CNGB1: variants seen among roughly 807,000 people sequenced by gnomAD.
The protein encoded by CNGB1 is cyclic nucleotide-gated channel beta-1.
CNGB1 carries 126 observed loss-of-function variants against 151.7 expected under a neutral mutation model. The ratio of observed to expected loss-of-function variants is 0.83; its 90% confidence interval spans 0.72 to 0.96. The LOEUF is 0.96. Ranked by LOEUF, CNGB1 falls within the 40% of genes least tolerant of loss-of-function variation. The pLI is 0.00. For synonymous variants in CNGB1, 623 were observed against 635.1 expected (o/e 0.98, Z 0.29); for missense variants, 1,698 against 1,627.0 (o/e 1.04, Z -0.75).
intron 12 of CNGB1, chr16:57,955,499 TC>T: frequency 1.3e-6 from 1 of 766,762 alleles, no homozygotes. Flanking sequence ...TCTCAGAGTC[TC>T]CCCATGACAT....
rs79889567 is a variant in CNGB1, at chr16:57,901,566, C to T, written c.2854G>A (p.Val952Met). 0.012 allele frequency: 19,231 copies of T among 1,614,112 alleles called. 175 individuals carry two copies. Among genetic ancestry groups the T allele is most frequent in the African/African-American group, 0.049 (3,645 of 75,024 alleles). The change falls in exon 28 of 33, where the codon GTG becomes ATG. Residue 952 changes from valine (V) to methionine (M), a missense_variant. Coordinates refer to ENST00000251102, the MANE Select transcript of CNGB1 (RefSeq NM_001297.5). ...DKMRLDLAID[V>M]NYNIVSKVAL... ...ACTTTGCTAACGATGTTGTAGTTCACGTCGATGGCGAGGTCCAGCCGCATC... is the reference window on the plus strand; with the variant it reads ...ACTTTGCTAACGATGTTGTAGTTCATGTCGATGGCGAGGTCCAGCCGCATC...
In CNGB1 at chr16:57,957,307, TA is replaced by T. The variant is rs775219797; in HGVS notation, c.874+33del. 259 of 1,605,904 alleles carry T rather than the reference TA, an allele frequency of 1.6e-4. No homozygotes were observed. The African/African-American group carries it at 3.2e-3, about 20-fold the overall frequency. On this transcript the variant is annotated intron_variant, in intron 12 of 32. Coordinates refer to ENST00000251102, the MANE Select transcript of CNGB1 (RefSeq NM_001297.5). ...AAGGACACCAAGCAACCCTTCCTAATATGTACATGGGGACTCAGTAATGTGT... is the reference window on the plus strand; with the variant it reads ...AAGGACACCAAGCAACCCTTCCTAATTGTACATGGGGACTCAGTAATGTGT...
intron 12 of CNGB1, among the ~76,000 whole-genome samples, chr16:57,954,396 G>A (rs547446996): frequency 1.4e-3 from 210 of 152,320 alleles, no homozygotes; most frequent in Middle Eastern, 6.8e-3. Context: ...TGACAGCCAA[G>A]TCCACCCAGT....
chr16:57,896,608 G>A (rs536851217), intron 31 of CNGB1, among the ~76,000 whole-genome samples: 2 of 152,172 alleles, frequency 1.3e-5, no homozygotes, highest in South Asian at 2.1e-4. Context: ...AGCTACTCAG[G>A]AGGCTGAGGC....
Position 57,883,994 on chromosome 16 carries a change from G to T in CNGB1, c.*170C>A. The T allele has an allele frequency of 1.1e-6, 1 of 885,094 alleles. No individual in the cohort carries two copies. The allele number at this position is 885,094 out of a possible 1,614,324, so 54.8% of individuals were successfully genotyped here. A position where few individuals can be genotyped will look rare whatever the true frequency, so the allele number is the denominator to read the frequency against. ...GCCCAGCCCCGCGAGGAGCTGAGTC[G>T]GGGCTGGCGTGCTGGCGGGACGGTC... On this transcript the variant is annotated 3_prime_UTR_variant, in exon 33 of 33. Coordinates refer to ENST00000251102, the MANE Select transcript of CNGB1 (RefSeq NM_001297.5).
chr16:57,926,308 A>G (rs1193855267), intron 17 of CNGB1, among the ~76,000 whole-genome samples: 1 of 152,170 alleles, frequency 6.6e-6, no homozygotes, highest in Non-Finnish European at 1.5e-5. Context: ...GGGCAGGAGG[A>G]CACTGGGGCA....
intron 25 of CNGB1, among the ~76,000 whole-genome samples, chr16:57,909,227 T>C (rs1960640784): frequency 1.3e-5 from 2 of 152,094 alleles, no homozygotes; most frequent in African/African-American, 4.8e-5. Flanking sequence ...GAGATCATGC[T>C]GCTGTACTCC....
chr16:57,913,640 A>T (rs9972793), intron 23 of CNGB1, among the ~76,000 whole-genome samples: 22,195 of 151,772 alleles, frequency 0.15, 4,191 homozygotes, highest in African/African-American at 0.44. Flanking sequence ...ATCAACACTC[A>T]TGGGTAATTT....
In CNGB1 at chr16:57,962,875, G is replaced by C. The variant is rs772200098; in HGVS notation, c.382-3C>G. ...CCAGTGCTGCCATGCCCCAGGATCT[G>C]CCAGGGACAGACAGACAGACATGGG... On this transcript the variant is annotated splice_polypyrimidine_tract_variant and splice_region_variant and intron_variant, in intron 5 of 32. Transcript: ENST00000251102. 1.2e-6 allele frequency: 2 copies of C among 1,612,550 alleles called. No individual in the cohort carries two copies. Among genetic ancestry groups the C allele is most frequent in the South Asian group, 2.2e-5 (2 of 91,082 alleles).
intron 31 of CNGB1, among the ~76,000 whole-genome samples, chr16:57,889,684 T>A (rs1366105624): frequency 6.6e-6 from 1 of 152,210 alleles, no homozygotes; most frequent in Non-Finnish European, 1.5e-5. Context: ...AAGTAGGTCT[T>A]ATTATTCATC....
chr16:57,962,999 T>A lies in CNGB1; in HGVS notation c.356A>T (p.His119Leu). 1.2e-6 allele frequency: 2 copies of A among 1,613,562 alleles called. No individual in the cohort carries two copies. The highest frequency in any genetic ancestry group is 1.7e-6 in the Non-Finnish European group (2 of 1,180,018). ...CTGAGCCGGGTCCTCCGTGATGCTG[T>A]GAACAGGCTGCGGGATCACCTTCTC... The part of the protein sequence containing the change: ...GVEKVIPQPV[H>L]SITEDPAQIL... Residue 119 changes from histidine (H) to leucine (L), a missense_variant, in exon 5 of 33, where the codon CAC becomes CTC. By Grantham distance (99) the His-to-Leu change is moderately conservative. Transcript: ENST00000251102.
chr16:57,950,256 A>T, intron 13 of CNGB1, 125 bp downstream of exon 13: 5 of 1,157,638 alleles, frequency 4.3e-6, no homozygotes, highest in Non-Finnish European at 6.4e-6. Flanking sequence ...GGATGGCTGT[A>T]TGAAGGCAGG....
chr16:57,912,784 CATGT>C, intron 24 of CNGB1, 142 bp downstream of exon 24: 1 of 768,848 alleles, frequency 1.3e-6, no homozygotes. Context: ...GTTGTGTGTG[CATGT>C]ATGTGTGTAT....
At chr16:57,911,087 G>A (rs1324054817) in intron 25 of CNGB1, among the ~76,000 whole-genome samples, 1 of 152,120 alleles carries the variant, frequency 6.6e-6, no homozygotes, top group Non-Finnish European at 1.5e-5. Flanking sequence ...GCTGTGCTGG[G>A]GAGTATTCTC....
intron 12 of CNGB1, among the ~76,000 whole-genome samples, chr16:57,955,864 C>T (rs1228691005): frequency 6.6e-6 from 1 of 152,194 alleles, no homozygotes. Flanking sequence ...GAGGAGCCAA[C>T]CCTGCTAAAG....
At position 57,904,091 on chromosome 16, in the gene CNGB1, T is replaced by C. The variant is rs1674361608; in HGVS notation, c.2635-110A>G. On this transcript the variant is annotated intron_variant, in intron 26 of 32. Coordinates refer to ENST00000251102, the MANE Select transcript of CNGB1 (RefSeq NM_001297.5). ...CACACAGACCACGGGCATGTGCTCCTGGCAGGGCGTTGGGAGGGGGGTAGG... is the reference window on the plus strand; with the variant it reads ...CACACAGACCACGGGCATGTGCTCCCGGCAGGGCGTTGGGAGGGGGGTAGG... 3.2e-6 allele frequency: 3 copies of C among 951,978 alleles called. No individual in the cohort carries two copies. The Admixed American group carries it at 5.9e-5, about 19-fold the overall frequency. 59.0% of individuals were successfully genotyped at this position (951,978 alleles called of 1,614,324 possible). A position where few individuals can be genotyped will look rare whatever the true frequency, so the allele number is the denominator to read the frequency against.
intron 14 of CNGB1, among the ~76,000 whole-genome samples, chr16:57,941,184 G>A (rs1184783481): frequency 4.6e-5 from 7 of 152,276 alleles, no homozygotes; most frequent in African/African-American, 1.7e-4. Flanking sequence ...ATGTCCGTGT[G>A]CGACCTCTGG....
intron 2 of CNGB1, among the ~76,000 whole-genome samples, chr16:57,966,404 T>G (rs966644787): frequency 6.6e-6 from 1 of 152,224 alleles, no homozygotes; most frequent in Non-Finnish European, 1.5e-5. Context: ...AGCTGCTGAA[T>G]TAGTTGTCAT....
At chr16:57,947,868 A>G (rs543029242) in intron 14 of CNGB1, among the ~76,000 whole-genome samples, 10 of 152,270 alleles carry the variant, frequency 6.6e-5, no homozygotes, top group Non-Finnish European at 1.2e-4. Flanking sequence ...GGAGCCTTTT[A>G]TTATCCCCCA....
Sources: gnomAD v4.1 joint callset for allele counts (sites outside exome capture counted in the v4.1 genomes callset) on GRCh38, gnomAD v4.1.1 for gene constraint, MANE v1.5 for transcripts, NCBI Gene and HGNC (gene_info 2026-07-23, HGNC 2026-07-21) for gene names.